LEPR: variants seen among roughly 807,000 people sequenced by gnomAD.
The protein encoded by LEPR is leptin receptor.
LEPR carries 56 observed loss-of-function variants against 114.7 expected under a neutral mutation model. The observed-to-expected ratio is 0.49, with a 90% CI of 0.39 to 0.61. The LOEUF (loss-of-function observed/expected upper bound fraction) is 0.61. Among genes scored for constraint, LEPR ranks in the 20% least tolerant of loss-of-function variants. LEPR has a pLI of 0.00. For missense variants in LEPR, 1,202 were observed against 1,352.9 expected, an observed-to-expected ratio of 0.89 and a Z score of 1.75; for synonymous variants, 443 against 461.4, an observed-to-expected ratio of 0.96 and a Z score of 0.51.
chr1:65,549,871 TGGA>T (rs1449337743), intron 2 of LEPR, among the ~76,000 whole-genome samples: 8 of 152,334 alleles, frequency 5.3e-5, no homozygotes, highest in African/African-American at 1.9e-4. Flanking sequence ...TGCGTTCCTT[TGGA>T]GGAGGAGAGG....
chr1:65,514,924 T>C (rs1023077353), intron 2 of LEPR, among the ~76,000 whole-genome samples: 2 of 152,248 alleles, frequency 1.3e-5, no homozygotes, highest in Admixed American at 1.3e-4. Flanking sequence ...AGGGCATTTA[T>C]ATAGGGATAC....
At chr1:65,601,731 A>G (rs559716423) in intron 9 of LEPR, 49 bp downstream of exon 9, 1 of 1,611,646 alleles carries the variant, frequency 6.2e-7, no homozygotes, top group African/African-American at 1.3e-5. Context: ...TTGAATTTTC[A>G]TTATGGACCC....
At chr1:65,588,904 A>G (rs763664426) in intron 5 of LEPR, among the ~76,000 whole-genome samples, 2 of 152,114 alleles carry the variant, frequency 1.3e-5, no homozygotes, top group Non-Finnish European at 2.9e-5. Flanking sequence ...TAGAATTGAA[A>G]TATGTTTTCA....
rs763928724 is a variant in LEPR at position 65,636,915 on chromosome 1, C to T, written c.3398C>T (p.Ser1133Phe). Reference sequence around the variant, plus strand: ...GAAAATAATATCAACTTAGGAACTTCTAGTAAGAAGACTTTTGCATCTTAC... The same window carrying T: ...GAAAATAATATCAACTTAGGAACTTTTAGTAAGAAGACTTTTGCATCTTAC... ...FVENNINLGTSSKKTFASYMP... is the reference protein window; with the variant it reads ...FVENNINLGTFSKKTFASYMP... The change falls in exon 20 of 20, where the codon TCT becomes TTT. Residue 1133 changes from serine to phenylalanine, a missense_variant. Transcript: ENST00000349533. 3.7e-6 allele frequency: 6 copies of T among 1,607,804 alleles called. No homozygotes were observed. The highest frequency in any genetic ancestry group is 1.7e-5 in the Admixed American group (1 of 58,658).
chr1:65,448,433 G>A (rs1417698533), intron 2 of LEPR, among the ~76,000 whole-genome samples: 1 of 152,096 alleles, frequency 6.6e-6, no homozygotes, highest in Non-Finnish European at 1.5e-5. Flanking sequence ...CTAATATCTT[G>A]TTGAGGATTT....
chr1:65,615,927 G>A (rs1657497759), intron 14 of LEPR, 81 bp from the exon 15 acceptor site: 1 of 1,577,922 alleles, frequency 6.3e-7, no homozygotes, highest in Non-Finnish European at 8.7e-7. Context: ...AATAAGAAAT[G>A]TAGAATGAGA....
At chr1:65,551,338 C>G (rs1027043981) in intron 2 of LEPR, among the ~76,000 whole-genome samples, 3 of 152,076 alleles carry the variant, frequency 2.0e-5, no homozygotes, top group African/African-American at 7.2e-5. Context: ...GTGAATCTGT[C>G]TGGTCCTGGG....
intron 2 of LEPR, among the ~76,000 whole-genome samples, chr1:65,499,249 A>T (rs1347605986): frequency 6.6e-6 from 1 of 152,156 alleles, no homozygotes; most frequent in Non-Finnish European, 1.5e-5. Context: ...TAGATGGCAA[A>T]CTAATTGTAA....
chr1:65,521,497 T>C (rs971776902), intron 2 of LEPR, among the ~76,000 whole-genome samples: 41 of 152,310 alleles, frequency 2.7e-4, no homozygotes, highest in Non-Finnish European at 5.1e-4. Flanking sequence ...AGCCTAGCCA[T>C]ACTGATACAT....
intron 2 of LEPR, among the ~76,000 whole-genome samples, chr1:65,530,441 TA>T (rs2100615877): frequency 6.6e-6 from 1 of 152,344 alleles, no homozygotes; most frequent in East Asian, 1.9e-4. Context: ...AGTGAAGGAA[TA>T]AAAGAATGGC....
chr1:65,438,536 G>A (rs1384492717), intron 2 of LEPR, among the ~76,000 whole-genome samples: 11 of 129,130 alleles, frequency 8.5e-5, no homozygotes, highest in African/African-American at 1.8e-4. Flanking sequence ...GCGACAGAGC[G>A]AGACTCTGTC....
At chr1:65,602,740 G>A (rs1408730964) in intron 10 of LEPR, among the ~76,000 whole-genome samples, 1 of 151,938 alleles carries the variant, frequency 6.6e-6, no homozygotes, top group Admixed American at 6.6e-5. Context: ...TTTTCAACTA[G>A]AAAAATAAAT....
At chr1:65,603,035 A>C (rs1570795193) in intron 10 of LEPR, among the ~76,000 whole-genome samples, 1 of 152,166 alleles carries the variant, frequency 6.6e-6, no homozygotes. Flanking sequence ...ACATTTACAG[A>C]ATAACTATGA....
chr1:65,575,650 A>T lies in LEPR; in HGVS notation c.494+3201A>T, dbSNP rs373681706. Among the ~76,000 whole-genome samples the T allele has an allele frequency of 5.0e-4, 76 of 151,592 alleles. 3 individuals carry two copies. Among genetic ancestry groups the T allele is most frequent in the African/African-American group, 1.2e-3 (50 of 40,886 alleles). On this transcript the variant is annotated intron_variant, in intron 5 of 19. Transcript: ENST00000349533. Reference sequence around the variant, plus strand: ...CTAAACAAATGATAAGTTAAAAAAAAATATAATTCTCTCCTGTGAAGTCTT... The same window carrying T: ...CTAAACAAATGATAAGTTAAAAAAATATATAATTCTCTCCTGTGAAGTCTT...
chr1:65,488,298 CTCTCTT>C lies in LEPR; in HGVS notation c.-21+62934_-21+62939del, dbSNP rs367728427. On this transcript the variant is annotated intron_variant, in intron 2 of 19. Transcript: ENST00000349533. ...TCTTTCTTTCCCTCCCTCTCTCTCT[CTCTCTT>C]TCTCTTTCTCTTTTTTTCTTTCTTC... 6.9e-5 allele frequency among the ~76,000 whole-genome samples: 10 copies of C among 143,910 alleles called. No homozygotes were observed. In the Middle Eastern group the frequency reaches 0.01, roughly 151 times the overall value. The allele number at this position is 143,910 out of a possible 152,430, so 94.4% of individuals were successfully genotyped here.
intron 2 of LEPR, chr1:65,433,604 G>A: frequency 5.1e-6 from 5 of 985,288 alleles, no homozygotes; most frequent in Non-Finnish European, 6.0e-6. Flanking sequence ...AATAACTAAA[G>A]GGTTAATGTG....
chr1:65,466,560 T>G (rs1351686334), intron 2 of LEPR, among the ~76,000 whole-genome samples: 3 of 152,200 alleles, frequency 2.0e-5, no homozygotes, highest in Non-Finnish European at 2.9e-5. Context: ...TTCCTGAATT[T>G]GAATATTGGC....
chr1:65,451,811 G>T (rs1646789278), intron 2 of LEPR, among the ~76,000 whole-genome samples: 1 of 151,980 alleles, frequency 6.6e-6, no homozygotes, highest in African/African-American at 2.4e-5. Context: ...CCAATTCTGT[G>T]AAGAAAGTCA....
intron 2 of LEPR, among the ~76,000 whole-genome samples, chr1:65,556,076 G>A (rs144053742): frequency 4.0e-4 from 61 of 152,244 alleles, no homozygotes; most frequent in Admixed American, 6.5e-4. Context: ...TAGGTCATGA[G>A]GGTGGAGCCC....
Sources: allele counts gnomAD v4.1 joint callset (sites outside exome capture counted in the v4.1 genomes callset), GRCh38; gene constraint gnomAD v4.1.1; transcripts MANE v1.5; gene names NCBI Gene and HGNC (gene_info 2026-07-23, HGNC 2026-07-21).